The following PTPN23 variants were observed in gnomAD, a reference collection of about 807,000 sequenced individuals.
PTPN23 encodes protein tyrosine phosphatase non-receptor type 23, also known as tyrosine-protein phosphatase non-receptor type 23.
Under a neutral mutation model 156.3 loss-of-function variants are expected in PTPN23, and 72 were observed. The observed-to-expected ratio is 0.46, with a 90% CI of 0.38 to 0.56. The LOEUF (loss-of-function observed/expected upper bound fraction) is 0.56. Among genes scored for constraint, PTPN23 ranks in the 20% least tolerant of loss-of-function variants. The pLI is 0.00. For synonymous variants in PTPN23, 957 were observed against 899.6 expected (o/e 1.06, Z -1.14); for missense variants, 1,974 against 2,171.5 (o/e 0.91, Z 1.81).
At chr3:47,388,664 C>CTTTT (rs35817505) in intron 1 of PTPN23, among the ~76,000 whole-genome samples, 5 of 126,994 alleles carry the variant, frequency 3.9e-5, no homozygotes, top group Non-Finnish European at 4.9e-5. Context: ...ACTACTAGAT[C>CTTTT]TTTTTTTTTT....
chr3:47,412,475 G>T, intron 23 of PTPN23, 39 bp from the exon 24 acceptor site: 1 of 1,611,462 alleles, frequency 6.2e-7, no homozygotes, highest in South Asian at 1.1e-5. Context: ...AGGGTGACGG[G>T]CCCCTGCCCA....
intron 1 of PTPN23, among the ~76,000 whole-genome samples, chr3:47,389,438 C>T: frequency 6.6e-6 from 1 of 151,920 alleles, no homozygotes; most frequent in South Asian, 2.1e-4. Flanking sequence ...TAGCAAGACC[C>T]CTGTCTCTAC....
Position 47,411,812 on chromosome 3 carries a change from G to C in PTPN23, c.3918G>C (p.Glu1306Asp), listed in dbSNP as rs757264825. Residue 1306 changes from glutamate (E) to aspartate (D), a missense_variant, in exon 21 of 25, where the codon GAG becomes GAC. Coordinates refer to ENST00000265562, the MANE Select transcript of PTPN23 (RefSeq NM_015466.4). The surrounding 1 kb of genome is among the most constrained non-coding windows in gnomAD (Gnocchi z 6.3). ...KQKVARYFPTERGQPMVHGAL... is the reference protein window; with the variant it reads ...KQKVARYFPTDRGQPMVHGAL... ...AAGTGGCACGCTACTTCCCCACCGA[G>C]AGGGGCCAGCCCATGGTGCACGGTG... 1.2e-6 allele frequency: 2 copies of C among 1,609,876 alleles called. No individual in the cohort carries two copies. Among genetic ancestry groups the C allele is most frequent in the Non-Finnish European group, 1.7e-6 (2 of 1,177,992 alleles).
Position 47,412,532 on chromosome 3 carries a change from TA to T in PTPN23, c.4337del (p.Tyr1446LeufsTer5). On this transcript the variant is annotated frameshift_variant, in exon 24 of 25. Transcript: ENST00000265562. LOFTEE classifies it high-confidence loss of function. ...TGTGCAGCTGCACCTCAGGTTCTGC[TA>T]TGAGGCAGTGGTGAGACACGTGGAG... The part of the protein sequence containing the change: ...LQEKLHLRFC[Y>X]EAVVRHVEQV... The T allele has an allele frequency of 6.2e-7, 1 of 1,613,506 alleles. No individual in the cohort carries two copies. Among genetic ancestry groups the T allele is most frequent in the Non-Finnish European group, 8.5e-7 (1 of 1,179,956 alleles).
chr3:47,402,525 C>A (rs532408091), intron 2 of PTPN23, among the ~76,000 whole-genome samples: 1 of 152,264 alleles, frequency 6.6e-6, no homozygotes, highest in East Asian at 1.9e-4. Context: ...AGCGATCCAC[C>A]CGCCTCAGCC....
At position 47,397,579 on chromosome 3, in the gene PTPN23, A is replaced by G. The variant is rs145916645; in HGVS notation, c.159+1362A>G. ...CATGGACCACATACCAATCCTTGCA[A>G]TAACCCAGCAGTACTAGCAACTATT... is the stretch of plus-strand genomic sequence containing the variant. On this transcript the variant is annotated intron_variant, in intron 2 of 24. Coordinates refer to ENST00000265562, the MANE Select transcript of PTPN23 (RefSeq NM_015466.4). 9.2e-4 allele frequency among the ~76,000 whole-genome samples: 140 copies of G among 152,312 alleles called. 3 individuals are homozygous for G. The East Asian group carries it at 0.024, about 26-fold the overall frequency.
Position 47,390,124 on chromosome 3 carries a change from C to T in PTPN23, c.85-6019C>T, listed in dbSNP as rs543630228. 3.3e-4 allele frequency among the ~76,000 whole-genome samples: 50 copies of T among 151,882 alleles called. 1 individual carries two copies. The South Asian group carries it at 6.7e-3, about 20-fold the overall frequency. ...GGGCATGGTGGCACACAGCTGTAGT[C>T]CTAGCCACACAAGAGGCTGAGGTGG... On this transcript the variant is annotated intron_variant, in intron 1 of 24. Coordinates refer to ENST00000265562, the MANE Select transcript of PTPN23 (RefSeq NM_015466.4).
Position 47,410,389 on chromosome 3 carries a change from C to T in PTPN23, c.2591C>T (p.Pro864Leu). The T allele has an allele frequency of 1.9e-6, 3 of 1,611,678 alleles. No individual in the cohort carries two copies. Among genetic ancestry groups the T allele is most frequent in the South Asian group, 1.1e-5 (1 of 90,724 alleles). ...CCAGTTGCAGGTCTCCCCTCGGCCCCACCTCCTCAATTCTCAGGCCCCGAG... is the reference window on the plus strand; with the variant it reads ...CCAGTTGCAGGTCTCCCCTCGGCCCTACCTCCTCAATTCTCAGGCCCCGAG... ...APPVAGLPSA[P>L]PPQFSGPELA... is the part of the protein sequence containing the mutation. The change falls in exon 20 of 25, where the codon CCA becomes CTA. Residue 864 changes from proline (P) to leucine (L), a missense_variant. Pro to Leu is a moderately conservative substitution (Grantham distance 98). Coordinates refer to ENST00000265562, the MANE Select transcript of PTPN23 (RefSeq NM_015466.4).
In PTPN23 at chr3:47,407,284, C is replaced by T; in HGVS notation, c.865-25C>T. On this transcript the variant is annotated intron_variant, in intron 10 of 24. Transcript: ENST00000265562. This position sits in a 1 kb window ranked among gnomAD's most constrained non-coding sequence, Gnocchi z 4.0. ...TGCCAGCCTTGGTTAGTGCTAAGGC[C>T]CCACCCCTGTCCCTAACCCCACAGG... 6.2e-7 allele frequency: 1 copy of T among 1,613,684 alleles called. No homozygotes were observed. The highest frequency in any genetic ancestry group is 8.5e-7 in the Non-Finnish European group (1 of 1,179,774).
chr3:47,402,194 T>C (rs577108434), intron 2 of PTPN23, among the ~76,000 whole-genome samples: 79 of 152,352 alleles, frequency 5.2e-4, no homozygotes, highest in African/African-American at 1.8e-3. Context: ...ATCATAAATA[T>C]TGAAAATGTT....
chr3:47,387,250 G>A (rs972193946), intron 1 of PTPN23, among the ~76,000 whole-genome samples: 2 of 152,120 alleles, frequency 1.3e-5, no homozygotes, highest in African/African-American at 4.8e-5. Context: ...TTGAAATTTA[G>A]TAGCTGAACA....
chr3:47,406,218 A>G lies in PTPN23; in HGVS notation c.547-107A>G. On this transcript the variant is annotated intron_variant, in intron 6 of 24. Coordinates refer to ENST00000265562, the MANE Select transcript of PTPN23 (RefSeq NM_015466.4). This position sits in a 1 kb window ranked among gnomAD's most constrained non-coding sequence, Gnocchi z 5.8. ...CTTGGAGTGGGGGCAGCTGGGGGAG[A>G]GGGCAGTGAAGAGGGATCCCTCAGT... is the stretch of plus-strand genomic sequence containing the variant. 6.8e-7 allele frequency: 1 copy of G among 1,471,526 alleles called. No individual in the cohort carries two copies. The highest frequency in any genetic ancestry group is 9.3e-7 in the Non-Finnish European group (1 of 1,073,528). The allele number at this position is 1,471,526 out of a possible 1,614,324, so 91.2% of individuals were successfully genotyped here. A position where few individuals can be genotyped will look rare whatever the true frequency, so the allele number is the denominator to read the frequency against.
rs1468135569 is a variant in PTPN23 at position 47,406,390 on chromosome 3, C to T, written c.612C>T (p.Ala204=). 2.5e-6 allele frequency: 4 copies of T among 1,613,916 alleles called. No homozygotes were observed. The highest frequency in any genetic ancestry group is 3.4e-6 in the Non-Finnish European group (4 of 1,180,018). The change falls in exon 7 of 25, where the codon GCC becomes GCT. Residue 204 remains alanine, a synonymous_variant. Coordinates refer to ENST00000265562, the MANE Select transcript of PTPN23 (RefSeq NM_015466.4). This position sits in a 1 kb window ranked among gnomAD's most constrained non-coding sequence, Gnocchi z 5.8. ...ACAACAGGAAGAGCTTTCTGGTGGCCCGCATCAGTGCACAGGTAGGGACGG... is the reference window on the plus strand; with the variant it reads ...ACAACAGGAAGAGCTTTCTGGTGGCTCGCATCAGTGCACAGGTAGGGACGG... The part of the protein sequence containing the change: ...MLDNRKSFLV[A]RISAQVVDYY...
At chr3:47,390,214 G>C (rs140951605) in intron 1 of PTPN23, among the ~76,000 whole-genome samples, 99 of 152,192 alleles carry the variant, frequency 6.5e-4, no homozygotes, top group Middle Eastern at 3.4e-3. Context: ...CAGCCTGCCT[G>C]ACAGAGCAAG....
chr3:47,401,196 C>T (rs1013477532), intron 2 of PTPN23, among the ~76,000 whole-genome samples: 17 of 144,132 alleles, frequency 1.2e-4, no homozygotes, highest in Middle Eastern at 4.7e-3. Flanking sequence ...CCACTGCGTC[C>T]GGCCTTTTAT....
In PTPN23 at chr3:47,411,976, A is replaced by G; in HGVS notation, c.4073+9A>G. On this transcript the variant is annotated intron_variant, in intron 21 of 24. Transcript: ENST00000265562. This position sits in a 1 kb window ranked among gnomAD's most constrained non-coding sequence, Gnocchi z 6.3. ...CCCACTTGGCCTGAGTTGTGAGTCC[A>G]CTGCTCTGGATGGTGGTTGGGGGTC... 1 of 1,609,560 alleles carries G rather than the reference A, an allele frequency of 6.2e-7. No individual in the cohort carries two copies. Among genetic ancestry groups the G allele is most frequent in the Non-Finnish European group, 8.5e-7 (1 of 1,177,716 alleles).
chr3:47,410,348 G>T lies in PTPN23; in HGVS notation c.2550G>T (p.Gly850=). 6.2e-7 allele frequency: 1 copy of T among 1,607,974 alleles called. No individual in the cohort carries two copies. The highest frequency in any genetic ancestry group is 1.1e-5 in the South Asian group (1 of 90,004). The change falls in exon 20 of 25, where the codon GGG becomes GGT. Residue 850 remains glycine, a synonymous_variant. Coordinates refer to ENST00000265562, the MANE Select transcript of PTPN23 (RefSeq NM_015466.4). ...QHGVVSSPYV[G]VGPAPPVAGL... is the part of the protein sequence containing the mutation. The stretch of plus-strand genomic sequence containing the variant: ...GCGTGGTGAGCAGTCCCTATGTGGG[G>T]GTAGGGCCGGCCCCACCAGTTGCAG...
Position 47,405,967 on chromosome 3 carries a change from A to G in PTPN23, c.467A>G (p.Tyr156Cys). 2 of 1,613,854 alleles carry G rather than the reference A, an allele frequency of 1.2e-6. No individual in the cohort carries two copies. Among genetic ancestry groups the G allele is most frequent in the Non-Finnish European group, 1.7e-6 (2 of 1,179,976 alleles). ...CAGTGCGCAGCCGGCGCCTTCGCCT[A>G]CCTACGGGAGCACTTCCCTCAAGCC... ...HFQCAAGAFA[Y>C]LREHFPQAYS... The change falls in exon 6 of 25, where the codon TAC (tyrosine) becomes TGC (cysteine). Residue 156 changes from tyrosine (Y) to cysteine (C), a missense_variant. By Grantham distance (194) the Tyr-to-Cys change is radical. This residue lies in a region of PTPN23 where 726 missense variants were observed against 929.5 expected (regional missense o/e 0.78). Coordinates refer to ENST00000265562, the MANE Select transcript of PTPN23 (RefSeq NM_015466.4). The surrounding 1 kb of genome is among the most constrained non-coding windows in gnomAD (Gnocchi z 4.7).
chr3:47,395,402 A>T (rs1428772107), intron 1 of PTPN23, among the ~76,000 whole-genome samples: 1 of 152,230 alleles, frequency 6.6e-6, no homozygotes, highest in Admixed American at 6.5e-5. Flanking sequence ...CAACAGGGAC[A>T]GTTGCAGTTG....
Sources: allele counts gnomAD v4.1 joint callset (sites outside exome capture counted in the v4.1 genomes callset), GRCh38; gene constraint gnomAD v4.1.1; regional missense constraint gnomAD v4.1.1; non-coding constraint Gnocchi (gnomAD v3.1); transcripts MANE v1.5; gene names NCBI Gene and HGNC (gene_info 2026-07-23, HGNC 2026-07-21).